CDK14: variants seen among roughly 807,000 people sequenced by gnomAD.
CDK14 encodes the protein cyclin-dependent kinase 14.
A neutral mutation model predicts 60.7 loss-of-function variants in CDK14; 34 were observed. That is an observed-to-expected ratio of 0.56 (90% confidence interval 0.43 to 0.75). The LOEUF is 0.75. Ranked by LOEUF, CDK14 falls within the 30% of genes least tolerant of loss-of-function variation. CDK14 has a pLI of 0.00. For synonymous variants in CDK14, 197 were observed against 203.7 expected, an observed-to-expected ratio of 0.97 and a Z score of 0.28; for missense variants, 482 against 564.1, an observed-to-expected ratio of 0.85 and a Z score of 1.47.
chr7:90,674,653 A>G (rs777241156), intron 2 of CDK14, among the ~76,000 whole-genome samples: 1 of 152,230 alleles, frequency 6.6e-6, no homozygotes, highest in Non-Finnish European at 1.5e-5. Context: ...GAAAAATACC[A>G]TAAAATGCAT....
chr7:91,206,492 A>G (rs935069676), intron 14 of CDK14, among the ~76,000 whole-genome samples: 8 of 152,214 alleles, frequency 5.3e-5, no homozygotes, highest in African/African-American at 1.2e-4. Context: ...TGGAGACTCA[A>G]TGAAAATGCT....
chr7:90,839,384 G>A (rs529923806), intron 5 of CDK14, among the ~76,000 whole-genome samples: 1 of 152,278 alleles, frequency 6.6e-6, no homozygotes, highest in South Asian at 2.1e-4. Flanking sequence ...GTTCAAGTAA[G>A]TCATTAGCCA....
chr7:91,128,142 AT>A (rs1800008854), intron 14 of CDK14, among the ~76,000 whole-genome samples: 1 of 152,162 alleles, frequency 6.6e-6, no homozygotes, highest in Non-Finnish European at 1.5e-5. Flanking sequence ...TATTTTCAAA[AT>A]GTCTTTGCCT....
chr7:90,604,400 T>G (rs1411110174), intron 2 of CDK14, among the ~76,000 whole-genome samples, 151 bp downstream of exon 2: 1 of 152,260 alleles, frequency 6.6e-6, no homozygotes, highest in African/African-American at 2.4e-5. Flanking sequence ...TATTTTCAAA[T>G]TTTAAATAAT....
intron 14 of CDK14, among the ~76,000 whole-genome samples, chr7:91,170,904 C>G (rs571402535): frequency 6.7e-6 from 1 of 148,392 alleles, no homozygotes; most frequent in South Asian, 2.2e-4. Flanking sequence ...GTAGCTGGGA[C>G]TACAGGTGTG....
intron 10 of CDK14, among the ~76,000 whole-genome samples, chr7:90,989,436 G>A (rs1210399093): frequency 6.6e-6 from 1 of 152,160 alleles, no homozygotes; most frequent in Non-Finnish European, 1.5e-5. Context: ...TAGGTACAAT[G>A]AAGACATAAA....
chr7:90,810,665 G>A (rs976046439), intron 5 of CDK14, among the ~76,000 whole-genome samples: 2 of 152,112 alleles, frequency 1.3e-5, no homozygotes, highest in Admixed American at 6.6e-5. Flanking sequence ...AGGAAAAGAG[G>A]AAGTCAAATT....
chr7:90,880,382 C>T (rs2015740), intron 6 of CDK14, among the ~76,000 whole-genome samples: 14,271 of 152,206 alleles, frequency 0.094, 802 homozygotes, highest in Middle Eastern at 0.14. Flanking sequence ...TGGGGCTTCC[C>T]TGCAGGATCT....
intron 12 of CDK14, among the ~76,000 whole-genome samples, chr7:91,088,342 G>T (rs1035038803): frequency 6.6e-6 from 1 of 152,064 alleles, no homozygotes; most frequent in South Asian, 2.1e-4. Flanking sequence ...CATGTTAAAC[G>T]GTTATTTCCA....
chr7:90,703,365 A>G (rs990526481), intron 2 of CDK14, among the ~76,000 whole-genome samples: 4 of 152,234 alleles, frequency 2.6e-5, no homozygotes, highest in South Asian at 2.1e-4. Flanking sequence ...CATGCTACAC[A>G]CTTGAGGCAT....
chr7:90,868,288 A>T (rs1204009551), intron 6 of CDK14, among the ~76,000 whole-genome samples: 1 of 146,512 alleles, frequency 6.8e-6, no homozygotes, highest in African/African-American at 2.5e-5. Context: ...GTATATATAC[A>T]CACTATATAT....
chr7:90,665,918 G>A (rs1340926136), intron 2 of CDK14, among the ~76,000 whole-genome samples: 4 of 152,176 alleles, frequency 2.6e-5, no homozygotes, highest in Admixed American at 2.6e-4. Flanking sequence ...CAGGATGGAT[G>A]TACACCTATT....
intron 5 of CDK14, among the ~76,000 whole-genome samples, chr7:90,845,505 T>G (rs926797938): frequency 2.0e-5 from 3 of 151,990 alleles, no homozygotes; most frequent in Non-Finnish European, 2.9e-5. Context: ...TTCTTTTTTT[T>G]TTTTTAAGAT....
chr7:91,030,354 A>G lies in CDK14; in HGVS notation c.1042-15543A>G, dbSNP rs541608918. Among the ~76,000 whole-genome samples, 4 of 152,260 alleles carry G rather than the reference A, an allele frequency of 2.6e-5. No homozygotes were observed. In the South Asian group the frequency reaches 8.3e-4, roughly 32 times the overall value. On this transcript the variant is annotated intron_variant, in intron 10 of 14. Coordinates refer to ENST00000380050, the MANE Select transcript of CDK14 (RefSeq NM_001287135.2). ...TTTTTTAGAACAGGTAAATGTATGC[A>G]TTTTCTTTCAGTATACAGGCTCTGA...
At chr7:91,181,347 CCT>C (rs1053438680) in intron 14 of CDK14, among the ~76,000 whole-genome samples, 2 of 151,982 alleles carry the variant, frequency 1.3e-5, no homozygotes, top group African/African-American at 4.8e-5. Flanking sequence ...TTAACATGTT[CCT>C]CTCTCTCCCA....
At chr7:90,780,865 G>A (rs1444471403) in intron 4 of CDK14, among the ~76,000 whole-genome samples, 1 of 151,818 alleles carries the variant, frequency 6.6e-6, no homozygotes, top group Non-Finnish European at 1.5e-5. Flanking sequence ...ATAAACATAC[G>A]TGTGCATGTG....
chr7:90,796,841 T>C (rs1450805626), intron 5 of CDK14, among the ~76,000 whole-genome samples: 1 of 151,896 alleles, frequency 6.6e-6, no homozygotes, highest in Non-Finnish European at 1.5e-5. Flanking sequence ...ATATGTACCA[T>C]GGTCGTTAAG....
intron 2 of CDK14, among the ~76,000 whole-genome samples, chr7:90,660,849 A>G (rs1024955095): frequency 6.6e-6 from 1 of 152,142 alleles, no homozygotes; most frequent in Non-Finnish European, 1.5e-5. Flanking sequence ...AAGTGTGACT[A>G]TTTGGCCCTC....
chr7:91,009,936 T>C (rs2115806333), intron 10 of CDK14, among the ~76,000 whole-genome samples: 1 of 152,260 alleles, frequency 6.6e-6, no homozygotes, highest in Admixed American at 6.5e-5. Flanking sequence ...CTAGGATCGA[T>C]TTTTAGTTAA....
Sources: allele counts gnomAD v4.1 joint callset (sites outside exome capture counted in the v4.1 genomes callset), GRCh38; gene constraint gnomAD v4.1.1; transcripts MANE v1.5; gene names NCBI Gene and HGNC (gene_info 2026-07-23, HGNC 2026-07-21).